Variants in FAM217A observed in about 807,000 individuals in gnomAD.
The protein encoded by FAM217A is protein FAM217A.
In FAM217A, 13 loss-of-function variants were observed where a neutral mutation model predicts 18.5. The observed-to-expected ratio is 0.70, with a 90% CI of 0.46 to 1.12. The LOEUF (loss-of-function observed/expected upper bound fraction) is 1.12. Ranked by LOEUF, FAM217A falls within the 50% of genes most tolerant of loss-of-function variation. The probability of loss-of-function intolerance (pLI) is 0.00; values close to 1 mark genes in which losing one functional copy is unlikely to be tolerated. For synonymous variants in FAM217A, 161 were observed against 202.8 expected, an observed-to-expected ratio of 0.79 and a Z score of 1.75; for missense variants, 560 against 575.4, an observed-to-expected ratio of 0.97 and a Z score of 0.27.
chr6:4,075,344 C>A (rs561031586), intron 2 of FAM217A, among the ~76,000 whole-genome samples: 12 of 152,078 alleles, frequency 7.9e-5, no homozygotes, highest in Admixed American at 2.0e-4. Context: ...AAAATACATA[C>A]ATAAATAAAT....
chr6:4,080,220 G>T (rs1008298704), upstream of FAM217A, among the ~76,000 whole-genome samples: 1 of 152,094 alleles, frequency 6.6e-6, no homozygotes, highest in African/African-American at 2.4e-5. Context: ...TCTTTCCTCT[G>T]CATTTCCATT....
chr6:4,072,525 G>A (rs1477796505), intron 6 of FAM217A, among the ~76,000 whole-genome samples: 2 of 151,954 alleles, frequency 1.3e-5, no homozygotes, highest in Non-Finnish European at 2.9e-5. Context: ...AACTTTGGGA[G>A]GCCGAGGTGG....
At chr6:4,073,870 A>G (rs1488978624) in intron 4 of FAM217A, among the ~76,000 whole-genome samples, 2 of 152,180 alleles carry the variant, frequency 1.3e-5, no homozygotes, top group Non-Finnish European at 2.9e-5. Context: ...TTGTTGAGAC[A>G]GGGTCTCGTT....
intron 2 of FAM217A, among the ~76,000 whole-genome samples, chr6:4,075,241 G>A (rs1378467815): frequency 1.3e-5 from 2 of 152,174 alleles, no homozygotes; most frequent in Non-Finnish European, 2.9e-5. Flanking sequence ...GGCTGAGGCA[G>A]GAGAATCGCT....
intron 2 of FAM217A, among the ~76,000 whole-genome samples, chr6:4,074,907 C>T (rs924871784): frequency 1.3e-5 from 2 of 150,536 alleles, no homozygotes; most frequent in Non-Finnish European, 3.0e-5. Context: ...GTTTCGTTCA[C>T]ATTTTGTTAA....
chr6:4,077,376 A>T lies in FAM217A; in HGVS notation c.39T>A (p.Arg13=). 1.2e-6 allele frequency: 2 copies of T among 1,614,204 alleles called. No homozygotes were observed. The highest frequency in any genetic ancestry group is 1.7e-6 in the Non-Finnish European group (2 of 1,180,028). ...ATACCTCCTGAGAGATGTTTGACAC[A>T]CGTAGGCTGTTAGCACAGTTCTCAT... is the stretch of plus-strand genomic sequence containing the variant. ...RRNENCANSL[R]VSNISQENLS... is the part of the protein sequence containing the mutation. The change falls in exon 2 of 7, where the codon CGT becomes CGA. Residue 13 remains arginine (R), a synonymous_variant. Transcript: ENST00000274673.
At chr6:4,084,223 G>A (rs1770492439) in intron 2 of FAM217A, among the ~76,000 whole-genome samples, 1 of 152,126 alleles carries the variant, frequency 6.6e-6, no homozygotes. Context: ...TGCTCCCATA[G>A]CAATGTCCTA....
At chr6:4,074,404 T>G in intron 4 of FAM217A, 39 bp downstream of exon 4, 1 of 1,512,320 alleles carries the variant, frequency 6.6e-7, no homozygotes, top group Non-Finnish European at 9.0e-7. Context: ...TAAAATCGTA[T>G]GTTTTATGAA....
rs757437617 is a variant in FAM217A, at chr6:4,069,853, G to T, written c.370C>A (p.Leu124Met). 3 of 1,613,598 alleles carry T rather than the reference G, an allele frequency of 1.9e-6. No homozygotes were observed. Among genetic ancestry groups the T allele is most frequent in the Non-Finnish European group, 1.7e-6 (2 of 1,179,598 alleles). Reference sequence around the variant, plus strand: ...GAAGCAATTGTTAATGGGTGGTTCAGAGTGAAGACCCTTATAGGATGATTG... The same window carrying T: ...GAAGCAATTGTTAATGGGTGGTTCATAGTGAAGACCCTTATAGGATGATTG... Reference protein sequence around the residue: ...VINHPIRVFTLNHPLTIASVD... With the variant: ...VINHPIRVFTMNHPLTIASVD... Residue 124 changes from leucine to methionine, a missense_variant, in exon 7 of 7, where the codon CTG becomes ATG. Leu to Met is a conservative substitution (Grantham distance 15). Transcript: ENST00000274673.
intron 4 of FAM217A, among the ~76,000 whole-genome samples, chr6:4,074,127 C>T (rs1264027352): frequency 6.6e-6 from 1 of 152,148 alleles, no homozygotes; most frequent in East Asian, 1.9e-4. Context: ...GCTGGGATTA[C>T]AGGCATGAGC....
upstream of FAM217A, among the ~76,000 whole-genome samples, chr6:4,083,588 G>C (rs756220839): frequency 6.8e-6 from 1 of 148,004 alleles, no homozygotes; most frequent in South Asian, 2.1e-4. Flanking sequence ...GTCCCACTCT[G>C]TTGCCCAGGG....
rs1041649256 is a variant in FAM217A at position 4,077,140 on chromosome 6, T to C, written c.60+215A>G. Among the ~76,000 whole-genome samples, 17 of 152,338 alleles carry C rather than the reference T, an allele frequency of 1.1e-4. 1 individual carries two copies. Among genetic ancestry groups the C allele is most frequent in the African/African-American group, 3.1e-4 (13 of 41,576 alleles). On this transcript the variant is annotated intron_variant, in intron 2 of 6. Transcript: ENST00000274673. ...AAAGCCAAATTGCAATTAGAAATGT[T>C]TGACATTTGGAGAAGAGCTGGCTAA...
chr6:4,086,263 A>G (rs1204242254), intron 1 of FAM217A, among the ~76,000 whole-genome samples: 2 of 152,042 alleles, frequency 1.3e-5, no homozygotes, highest in Non-Finnish European at 2.9e-5. Flanking sequence ...CCTGACCAAC[A>G]TGGAGAAACT....
At position 4,078,922 on chromosome 6, in the gene FAM217A, C is replaced by T; in HGVS notation, c.-105G>A. 2 of 582,394 alleles carry T rather than the reference C, an allele frequency of 3.4e-6. No homozygotes were observed. Among genetic ancestry groups the T allele is most frequent in the Non-Finnish European group, 6.2e-6 (2 of 324,206 alleles). The allele number at this position is 582,394 out of a possible 1,614,324, so 36.1% of individuals were successfully genotyped here. On this transcript the variant is annotated 5_prime_UTR_variant, in exon 1 of 7. Coordinates refer to ENST00000274673, the MANE Select transcript of FAM217A (RefSeq NM_173563.3). The stretch of plus-strand genomic sequence containing the variant: ...CCGCCCCGAGGCCCGAGCGCCTCCG[C>T]GTGCGTGGCTGACGGCTTGGAGGGC...
chr6:4,076,980 A>G (rs1769842039), intron 2 of FAM217A, among the ~76,000 whole-genome samples: 1 of 152,202 alleles, frequency 6.6e-6, no homozygotes, highest in Admixed American at 6.5e-5. Context: ...ACAGTTTGCA[A>G]ATTTCTTAAG....
exon 2 of FAM217A, chr6:4,084,616 C>T (rs756294483): frequency 4.3e-6 from 3 of 703,032 alleles, no homozygotes; most frequent in Non-Finnish European, 7.8e-6. Context: ...AAGTCCCTTT[C>T]TGGTCGTCAG....
chr6:4,085,705 A>C (rs1770613295), intron 1 of FAM217A, among the ~76,000 whole-genome samples: 1 of 152,224 alleles, frequency 6.6e-6, no homozygotes, highest in South Asian at 2.1e-4. Flanking sequence ...TATGAGAATC[A>C]CATTGAATTC....
intron 1 of FAM217A, among the ~76,000 whole-genome samples, chr6:4,086,446 CAAAAAAAA>C (rs60309347): frequency 6.5e-5 from 5 of 76,884 alleles, no homozygotes; most frequent in Admixed American, 1.5e-4. Flanking sequence ...AACTCTGTCT[CAAAAAAAA>C]AAAAAAAAAA....
chr6:4,068,531 A>G lies in FAM217A; in HGVS notation c.*165T>C, dbSNP rs565396194. 2 of 650,556 alleles carry G rather than the reference A, an allele frequency of 3.1e-6. No homozygotes were observed. Among genetic ancestry groups the G allele is most frequent in the African/African-American group, 3.7e-5 (2 of 54,790 alleles). 40.3% of individuals were successfully genotyped at this position (650,556 alleles called of 1,614,324 possible). ...GAAGCCTGTGGGTTTATATATAGAC[A>G]TCTCAGCAGTGCTTTTCACAAGTTC... On this transcript the variant is annotated 3_prime_UTR_variant, in exon 7 of 7. Transcript: ENST00000274673.
Sources: allele counts gnomAD v4.1 joint callset (sites outside exome capture counted in the v4.1 genomes callset), GRCh38; gene constraint gnomAD v4.1.1; transcripts MANE v1.5; gene names NCBI Gene and HGNC (gene_info 2026-07-23, HGNC 2026-07-21).